RNF19A: variants seen among roughly 807,000 people sequenced by gnomAD.
The protein encoded by RNF19A is E3 ubiquitin-protein ligase RNF19A.
A neutral mutation model predicts 75.7 loss-of-function variants in RNF19A; 32 were observed. That is an observed-to-expected ratio of 0.42 (90% CI 0.32 to 0.57). The LOEUF is 0.57. RNF19A is among the 20% of genes least tolerant of loss of function. The probability of loss-of-function intolerance (pLI) is 0.10; values close to 1 mark genes in which losing one functional copy is unlikely to be tolerated. For missense variants in RNF19A, 782 were observed against 1,036.3 expected, an observed-to-expected ratio of 0.75 and a Z score of 3.37; for synonymous variants, 335 against 345.2, an observed-to-expected ratio of 0.97 and a Z score of 0.33.
Position 100,259,962 on chromosome 8 carries a change from T to C in RNF19A, c.1718A>G (p.Tyr573Cys). 1.2e-6 allele frequency: 2 copies of C among 1,614,038 alleles called. No homozygotes were observed. The highest frequency in any genetic ancestry group is 1.7e-6 in the Non-Finnish European group (2 of 1,179,922). ...TGTGCCAGATTCTCCACTTAGACTG[T>C]ACCGTTCTTTCTGTACATCTGCTTG... ...EVQADVQKER[Y>C]SLSGESGTVS... The change falls in exon 9 of 10, where the codon TAC (tyrosine) becomes TGC (cysteine). Residue 573 changes from tyrosine (Y) to cysteine (C), a missense_variant. By Grantham distance (194) the Tyr-to-Cys change is radical. Transcript: ENST00000341084. The surrounding 1 kb of genome is among the most constrained non-coding windows in gnomAD (Gnocchi z 4.5).
Position 100,260,042 on chromosome 8 carries a change from C to A in RNF19A, c.1683-45G>T, listed in dbSNP as rs778372315. The A allele has an allele frequency of 3.3e-6, 5 of 1,522,710 alleles. No homozygotes were observed. Among genetic ancestry groups the A allele is most frequent in the Non-Finnish European group, 4.6e-6 (5 of 1,098,638 alleles). The allele number at this position is 1,522,710 out of a possible 1,614,324, so 94.3% of individuals were successfully genotyped here. ...TCACCAAAATTATATTTAATATCAGCACTACTGTAATATGTATCTTTAAAT... is the reference window on the plus strand; with the variant it reads ...TCACCAAAATTATATTTAATATCAGAACTACTGTAATATGTATCTTTAAAT... On this transcript the variant is annotated intron_variant, in intron 8 of 9. Transcript: ENST00000341084. This position sits in a 1 kb window ranked among gnomAD's most constrained non-coding sequence, Gnocchi z 4.1.
At chr8:100,319,454 G>T (rs1021900984) in intron 1 of RNF19A, among the ~76,000 whole-genome samples, 13 of 151,430 alleles carry the variant, frequency 8.6e-5, no homozygotes, top group African/African-American at 3.2e-4. Flanking sequence ...GGCCTACTTT[G>T]CACCTTCCCC....
In RNF19A at chr8:100,289,153, A is replaced by G. The variant is rs977291731; in HGVS notation, c.-93-886T>C. 1.1e-3 allele frequency among the ~76,000 whole-genome samples: 172 copies of G among 152,280 alleles called. 1 individual carries two copies. The highest frequency in any genetic ancestry group is 5.7e-4 in the Non-Finnish European group (39 of 68,018). ...AGAACTGAGAATAAATGGCCTTTAA[A>G]AAAAGAAAAATACTATGTCTACTGG... On this transcript the variant is annotated intron_variant, in intron 1 of 9. Transcript: ENST00000341084.
Position 100,287,644 on chromosome 8 carries a change from T to C in RNF19A, c.531A>G (p.Pro177=). Residue 177 remains proline (P), a synonymous_variant, in exon 2 of 10, where the codon CCA becomes CCG. Coordinates refer to ENST00000341084, the MANE Select transcript of RNF19A (RefSeq NM_183419.4). The surrounding 1 kb of genome is among the most constrained non-coding windows in gnomAD (Gnocchi z 4.1). The part of the protein sequence containing the change: ...ISESRVNISC[P]ECTERFNPHD... Reference sequence around the variant, plus strand: ...GGGGATTAAACCGTTCAGTACATTCTGGGCAACTAATATTAACTCTGCTTT... The same window carrying C: ...GGGGATTAAACCGTTCAGTACATTCCGGGCAACTAATATTAACTCTGCTTT... 6.2e-7 allele frequency: 1 copy of C among 1,614,182 alleles called. No homozygotes were observed. The highest frequency in any genetic ancestry group is 1.1e-5 in the South Asian group (1 of 91,088).
At chr8:100,262,102 G>A (rs1323410719) in intron 7 of RNF19A, among the ~76,000 whole-genome samples, 1 of 152,152 alleles carries the variant, frequency 6.6e-6, no homozygotes, top group Non-Finnish European at 1.5e-5. Flanking sequence ...GCTAAAAGTT[G>A]ATTTCTAGAT....
chr8:100,301,814 G>A (rs1821842556), intron 1 of RNF19A, among the ~76,000 whole-genome samples: 2 of 152,328 alleles, frequency 1.3e-5, no homozygotes, highest in African/African-American at 4.8e-5. Context: ...GAGCAAAGGA[G>A]ATCAGTGTAT....
rs529968579 is a variant in RNF19A, at chr8:100,267,642, T to A, written c.1191+1143A>T. Among the ~76,000 whole-genome samples, 12 of 151,826 alleles carry A rather than the reference T, an allele frequency of 7.9e-5. No individual in the cohort carries two copies. The South Asian group carries it at 2.5e-3, about 32-fold the overall frequency. ...GCCTCAGCCTCCCAAAGTGCTACGA[T>A]GACAGGAGTAAGCCACCATGCCCAG... On this transcript the variant is annotated intron_variant, in intron 5 of 9. Transcript: ENST00000341084.
chr8:100,295,705 T>C (rs753119228), intron 1 of RNF19A, among the ~76,000 whole-genome samples: 8 of 152,156 alleles, frequency 5.3e-5, no homozygotes, highest in Non-Finnish European at 8.8e-5. Context: ...TCATAAGCCA[T>C]CCTTTGATCA....
chr8:100,263,576 A>T (rs986343639), intron 7 of RNF19A, among the ~76,000 whole-genome samples: 5 of 152,220 alleles, frequency 3.3e-5, no homozygotes, highest in South Asian at 2.1e-4. Context: ...TGCACTTTTT[A>T]AAAAAGGTTT....
intron 1 of RNF19A, among the ~76,000 whole-genome samples, chr8:100,293,493 T>C (rs1178384453): frequency 1.3e-5 from 2 of 152,216 alleles, no homozygotes; most frequent in Non-Finnish European, 2.9e-5. Flanking sequence ...CCCCTGTACA[T>C]AATGTGTCTT....
chr8:100,286,093 G>A (rs1285799927), intron 2 of RNF19A, among the ~76,000 whole-genome samples: 1 of 152,218 alleles, frequency 6.6e-6, no homozygotes, highest in Non-Finnish European at 1.5e-5. Context: ...AAAACGTTAT[G>A]CAGGGGTCAG....
chr8:100,319,046 T>A (rs1822426278), intron 1 of RNF19A, among the ~76,000 whole-genome samples: 2 of 152,208 alleles, frequency 1.3e-5, no homozygotes, highest in South Asian at 4.1e-4. Context: ...AATGTAAAGC[T>A]GAATAAAGAA....
chr8:100,298,682 A>C (rs1821685000), intron 1 of RNF19A, among the ~76,000 whole-genome samples: 1 of 152,228 alleles, frequency 6.6e-6, no homozygotes, highest in Admixed American at 6.5e-5. Context: ...TACCTGTTTA[A>C]GTCCATATTT....
intron 1 of RNF19A, among the ~76,000 whole-genome samples, chr8:100,307,156 G>A (rs1822096202): frequency 6.6e-6 from 1 of 152,114 alleles, no homozygotes; most frequent in South Asian, 2.1e-4. Flanking sequence ...TATTAGTTCA[G>A]TACAAAACCA....
intron 2 of RNF19A, among the ~76,000 whole-genome samples, chr8:100,286,694 A>G (rs1821036368): frequency 6.6e-6 from 1 of 152,196 alleles, no homozygotes; most frequent in Non-Finnish European, 1.5e-5. Flanking sequence ...CTGAGATTAT[A>G]CCCAGATAAT....
At chr8:100,316,326 A>G (rs528295434) in intron 1 of RNF19A, among the ~76,000 whole-genome samples, 33 of 152,218 alleles carry the variant, frequency 2.2e-4, no homozygotes, top group African/African-American at 7.9e-4. Context: ...GAAAGAACGA[A>G]GCTTCCACAG....
rs925239715 is a variant in RNF19A, at chr8:100,329,043, G to A, written c.-243+7065C>T. Among the ~76,000 whole-genome samples the A allele has an allele frequency of 1.3e-5, 2 of 152,162 alleles. No homozygotes were observed. Among genetic ancestry groups the A allele is most frequent in the African/African-American group, 4.8e-5 (2 of 41,436 alleles). ...CTCTTCTCCAAAGCACAGGCCAGAT[G>A]TGACTAATTCCAGGTGCCTCCAGAT... On this transcript the variant is annotated intron_variant, in intron 1 of 3. Transcript: ENST00000519527. This position sits in a 1 kb window ranked among gnomAD's most constrained non-coding sequence, Gnocchi z 4.3.
rs769819408 is a variant in RNF19A, at chr8:100,288,283, T to TA, written c.-93-17dup. The TA allele has an allele frequency of 1.9e-5, 25 of 1,314,920 alleles. No individual in the cohort carries two copies. Among genetic ancestry groups the TA allele is most frequent in the Non-Finnish European group, 2.3e-5 (23 of 1,021,830 alleles). The allele number at this position is 1,314,920 out of a possible 1,614,324, so 81.5% of individuals were successfully genotyped here. A position where few individuals can be genotyped will look rare whatever the true frequency, so the allele number is the denominator to read the frequency against. ...CATGGATGTTCTGAAAAATAAAAAA[T>TA]AAAAAAATCAAGATCATTTAATTGT... On this transcript the variant is annotated splice_polypyrimidine_tract_variant and intron_variant, in intron 1 of 9. Transcript: ENST00000341084.
rs1255149703 is a variant in RNF19A, at chr8:100,269,563, T to C, written c.1028+306A>G. Among the ~76,000 whole-genome samples the C allele has an allele frequency of 1.3e-5, 2 of 152,128 alleles. No homozygotes were observed. The highest frequency in any genetic ancestry group is 3.8e-4 in the East Asian group (2 of 5,200). On this transcript the variant is annotated intron_variant, in intron 4 of 9. Transcript: ENST00000341084. This position sits in a 1 kb window ranked among gnomAD's most constrained non-coding sequence, Gnocchi z 5.7. ...ATCATAAACTCACTCTGTGCCTAAA[T>C]GATAAAATTTATGTATGGGAAAATT...
Sources: allele counts gnomAD v4.1 joint callset (sites outside exome capture counted in the v4.1 genomes callset), GRCh38; gene constraint gnomAD v4.1.1; non-coding constraint Gnocchi (gnomAD v3.1); transcripts MANE v1.5; gene names NCBI Gene and HGNC (gene_info 2026-07-23, HGNC 2026-07-21).